The following AUTS2 variants were observed in gnomAD, a reference collection of about 807,000 sequenced individuals.
The protein encoded by AUTS2 is autism susceptibility gene 2 protein.
In AUTS2, 17 loss-of-function variants were observed where a neutral mutation model predicts 112.4. The observed-to-expected ratio is 0.15, with a 90% CI of 0.10 to 0.23. The LOEUF (loss-of-function observed/expected upper bound fraction) is 0.23. Among genes scored for constraint, AUTS2 ranks in the 10% least tolerant of loss-of-function variants. AUTS2 has a pLI of 1.00. For missense variants in AUTS2, 1,510 were observed against 1,701.6 expected, an observed-to-expected ratio of 0.89 and a Z score of 1.98; for synonymous variants, 751 against 702.7, an observed-to-expected ratio of 1.07 and a Z score of -1.09.
chr7:70,362,616 G>GTCCC (rs1414371367), intron 4 of AUTS2, among the ~76,000 whole-genome samples: 1 of 149,470 alleles, frequency 6.7e-6, no homozygotes, highest in East Asian at 2.0e-4. Context: ...TCTCTCCCCC[G>GTCCC]TCCCTCCCTC....
chr7:69,649,729 A>T (rs569821481), intron 1 of AUTS2, among the ~76,000 whole-genome samples: 12 of 152,226 alleles, frequency 7.9e-5, no homozygotes, highest in African/African-American at 2.9e-4. Flanking sequence ...TCCAGCAAAT[A>T]GCTATAATTA....
intron 1 of AUTS2, among the ~76,000 whole-genome samples, chr7:69,759,917 G>T (rs772845733): frequency 6.6e-6 from 1 of 151,282 alleles, no homozygotes; most frequent in African/African-American, 2.4e-5. Flanking sequence ...AGAAGATCCC[G>T]TACAAATAGA....
intron 1 of AUTS2, among the ~76,000 whole-genome samples, chr7:69,730,317 A>G (rs1786735914): frequency 6.6e-6 from 1 of 151,878 alleles, no homozygotes; most frequent in Admixed American, 6.6e-5. Flanking sequence ...GAAGTTTTTT[A>G]TATTTTCTTC....
At chr7:70,410,874 T>G (rs948726661) in intron 4 of AUTS2, among the ~76,000 whole-genome samples, 2 of 150,128 alleles carry the variant, frequency 1.3e-5, no homozygotes, top group Admixed American at 6.6e-5. Flanking sequence ...TTATTATTAT[T>G]ATGTTTGAGA....
At chr7:69,622,142 TGTTGTTACCTG>T (rs1793698121) in intron 1 of AUTS2, among the ~76,000 whole-genome samples, 1 of 152,198 alleles carries the variant, frequency 6.6e-6, no homozygotes, top group Admixed American at 6.5e-5. Context: ...TGATTCCTTT[TGTTGTTACCTG>T]TTTCCTTGGC....
At chr7:70,145,113 T>C (rs533136278) in intron 4 of AUTS2, among the ~76,000 whole-genome samples, 4 of 152,254 alleles carry the variant, frequency 2.6e-5, no homozygotes, top group African/African-American at 9.6e-5. Context: ...CTTCTTGTAA[T>C]GCCCCACGAT....
intron 6 of AUTS2, 90 bp from the exon 7 acceptor site, chr7:70,762,780 T>G: frequency 1.1e-5 from 11 of 957,080 alleles, no homozygotes; most frequent in Middle Eastern, 6.5e-4. Context: ...GTTGCTGGAG[T>G]TGTGTGATAG....
intron 4 of AUTS2, among the ~76,000 whole-genome samples, chr7:70,378,256 A>T (rs1202558930): frequency 6.6e-6 from 1 of 152,148 alleles, no homozygotes; most frequent in Non-Finnish European, 1.5e-5. Context: ...AACATGTCTA[A>T]GTCCTGCTTT....
At chr7:70,557,252 C>T (rs977143892) in intron 5 of AUTS2, among the ~76,000 whole-genome samples, 9 of 152,120 alleles carry the variant, frequency 5.9e-5, no homozygotes, top group African/African-American at 2.2e-4. Context: ...TTGTTCTTTT[C>T]CCTGCTGGCT....
At chr7:70,051,385 G>C in intron 2 of AUTS2, among the ~76,000 whole-genome samples, 1 of 152,084 alleles carries the variant, frequency 6.6e-6, no homozygotes. Context: ...GCAAATAATG[G>C]TCAAAATAAA....
At chr7:70,332,104 T>A (rs912199772) in intron 4 of AUTS2, among the ~76,000 whole-genome samples, 2 of 152,188 alleles carry the variant, frequency 1.3e-5, no homozygotes, top group Admixed American at 1.3e-4. Context: ...GATAAGCAAC[T>A]TCAGCAAAAT....
intron 5 of AUTS2, among the ~76,000 whole-genome samples, chr7:70,498,165 G>A (rs2116581732): frequency 6.6e-6 from 1 of 152,320 alleles, no homozygotes; most frequent in East Asian, 1.9e-4. Context: ...GTCTGGGGAA[G>A]AGAAGTCCAG....
At chr7:70,718,755 A>G (rs1365667962) in intron 6 of AUTS2, among the ~76,000 whole-genome samples, 1 of 152,182 alleles carries the variant, frequency 6.6e-6, no homozygotes, top group South Asian at 2.1e-4. Flanking sequence ...ACTTCAAACA[A>G]AGAAACCTTT....
chr7:69,930,047 G>C (rs1419383178), intron 2 of AUTS2, among the ~76,000 whole-genome samples: 1 of 152,192 alleles, frequency 6.6e-6, no homozygotes, highest in Non-Finnish European at 1.5e-5. Context: ...ATCTGGAAAA[G>C]AGCTTAGTCT....
chr7:70,668,349 G>T (rs1322898190), intron 5 of AUTS2, among the ~76,000 whole-genome samples: 1 of 152,198 alleles, frequency 6.6e-6, no homozygotes, highest in African/African-American at 2.4e-5. Context: ...TCTTTGAGTG[G>T]CAACGTTGCA....
At chr7:70,355,102 A>C (rs201878242) in intron 4 of AUTS2, among the ~76,000 whole-genome samples, 21 of 146,468 alleles carry the variant, frequency 1.4e-4, no homozygotes, top group African/African-American at 5.4e-4. Context: ...GTGTGTATGT[A>C]TGGGTGTGTG....
At chr7:70,264,968 T>G (rs1376488817) in intron 4 of AUTS2, among the ~76,000 whole-genome samples, 1 of 152,234 alleles carries the variant, frequency 6.6e-6, no homozygotes, top group Non-Finnish European at 1.5e-5. Context: ...CTCAATACTC[T>G]GATAAGATGT....
intron 3 of AUTS2, among the ~76,000 whole-genome samples, chr7:70,123,595 G>A (rs1203061869): frequency 6.6e-6 from 1 of 152,134 alleles, no homozygotes; most frequent in African/African-American, 2.4e-5. Context: ...GTAAAAACAT[G>A]CAGTATTTGG....
intron 2 of AUTS2, among the ~76,000 whole-genome samples, chr7:70,110,050 G>A (rs1163536217): frequency 6.6e-6 from 1 of 152,160 alleles, no homozygotes; most frequent in Non-Finnish European, 1.5e-5. Context: ...AGAGAGTAGA[G>A]TTAACAATTC....
Sources: allele counts gnomAD v4.1 joint callset (sites outside exome capture counted in the v4.1 genomes callset), GRCh38; gene constraint gnomAD v4.1.1; transcripts MANE v1.5; gene names NCBI Gene and HGNC (gene_info 2026-07-23, HGNC 2026-07-21).